DNAH5: variants seen among roughly 807,000 people sequenced by gnomAD.
DNAH5 encodes the protein axonemal beta dynein heavy chain 5.
A neutral mutation model predicts 518.2 loss-of-function variants in DNAH5; 372 were observed. The ratio of observed to expected loss-of-function variants is 0.72; its 90% CI spans 0.66 to 0.78. DNAH5 has a LOEUF of 0.78. DNAH5 is among the 30% of genes least tolerant of loss of function. The pLI is 0.00. For missense variants in DNAH5, 5,523 were observed against 5,687.0 expected (o/e 0.97, Z 0.93); for synonymous variants, 2,039 against 2,025.9 (o/e 1.01, Z -0.17).
Position 13,813,078 on chromosome 5 carries a change from A to G in DNAH5, c.7231-1255T>C, listed in dbSNP as rs1422291302. Among the ~76,000 whole-genome samples the G allele has an allele frequency of 2.0e-5, 3 of 152,264 alleles. No individual in the cohort carries two copies. In the East Asian group the frequency reaches 5.8e-4, roughly 29 times the overall value. On this transcript the variant is annotated intron_variant, in intron 43 of 78. Transcript: ENST00000265104. ...AACTTTTCAATTACTCTGCCCTCTA[A>G]TAACTCTCAGAGCTGGCCTTCCTGT... is the stretch of plus-strand genomic sequence containing the variant.
chr5:13,834,281 C>A (rs1764076265), intron 35 of DNAH5, among the ~76,000 whole-genome samples: 1 of 152,014 alleles, frequency 6.6e-6, no homozygotes, highest in African/African-American at 2.4e-5. Flanking sequence ...AATCAAATTG[C>A]AGAAAAGACT....
At chr5:13,877,074 T>C (rs1041074458) in intron 21 of DNAH5, among the ~76,000 whole-genome samples, 4 of 152,188 alleles carry the variant, frequency 2.6e-5, no homozygotes, top group African/African-American at 9.7e-5. Context: ...TTTTGTGGTG[T>C]TTTGACTTGC....
Position 13,710,860 on chromosome 5 carries a change from T to A in DNAH5, c.13126-2525A>T, listed in dbSNP as rs558738080. On this transcript the variant is annotated intron_variant, in intron 75 of 78. Coordinates refer to ENST00000265104, the MANE Select transcript of DNAH5 (RefSeq NM_001369.3). ...AAGAGACCAATAACAGGCAGTGAGA[T>A]TGAAATGGTAATTTAAAAATTACCA... 4.4e-4 allele frequency among the ~76,000 whole-genome samples: 67 copies of A among 152,214 alleles called. No homozygotes were observed. In the Middle Eastern group the frequency reaches 0.01, roughly 23 times the overall value.
intron 26 of DNAH5, 120 bp from the exon 27 acceptor site, chr5:13,866,026 T>C (rs2151911244): frequency 1.1e-6 from 1 of 883,828 alleles, no homozygotes; most frequent in Non-Finnish European, 1.8e-6. Flanking sequence ...CACATGTAAA[T>C]AGGAATACTA....
intron 15 of DNAH5, chr5:13,898,627 G>A (rs1465788431): frequency 2.5e-6 from 1 of 398,434 alleles, no homozygotes; most frequent in African/African-American, 2.1e-5. Context: ...CCACAGTTTT[G>A]TCATCTACGA....
In DNAH5 at chr5:13,734,691, C is replaced by T. The variant is rs375785681; in HGVS notation, c.11761+440G>A. Among the ~76,000 whole-genome samples, 39 of 152,190 alleles carry T rather than the reference C, an allele frequency of 2.6e-4. No homozygotes were observed. In the East Asian group the frequency reaches 5.0e-3, roughly 20 times the overall value. ...CTCTTTCAGGTCTTTGCCCACCTAC[C>T]GATCTCTTAGGAATGCCACCCCATT... On this transcript the variant is annotated intron_variant, in intron 68 of 78. Transcript: ENST00000265104.
chr5:13,900,862 C>T (rs1774511211), intron 14 of DNAH5: 2 of 320,932 alleles, frequency 6.2e-6, no homozygotes, highest in Non-Finnish European at 1.2e-5. Context: ...GTAGGATATG[C>T]TATGATTAAC....
At chr5:13,861,952 CAAAAAAAAAAAA>C (rs59674964) in intron 29 of DNAH5, among the ~76,000 whole-genome samples, 1 of 49,514 alleles carries the variant, frequency 2.0e-5, no homozygotes, top group Non-Finnish European at 3.3e-5. Context: ...GATTCCATCT[CAAAAAAAAAAAA>C]AAAAAAAAAA....
chr5:14,004,254 A>G (rs1784567124), intron 1 of DNAH5, among the ~76,000 whole-genome samples: 1 of 152,138 alleles, frequency 6.6e-6, no homozygotes, highest in Non-Finnish European at 1.5e-5. Context: ...AGAGAGGAGA[A>G]CCCTGTGAAA....
At chr5:13,999,167 C>T (rs771309757) in intron 1 of DNAH5, among the ~76,000 whole-genome samples, 5 of 152,216 alleles carry the variant, frequency 3.3e-5, no homozygotes, top group African/African-American at 7.2e-5. Flanking sequence ...CCACGATGAC[C>T]GGCCTGCCAT....
intron 78 of DNAH5, among the ~76,000 whole-genome samples, chr5:13,697,467 C>A (rs1165451332): frequency 6.6e-6 from 1 of 152,214 alleles, no homozygotes; most frequent in Non-Finnish European, 1.5e-5. Context: ...TGGTCCCCTC[C>A]CAAGGTAATC....
In DNAH5 at chr5:13,890,914, G is replaced by T. The variant is rs1773130344; in HGVS notation, c.2577+62C>A. 7 of 1,591,916 alleles carry T rather than the reference G, an allele frequency of 4.4e-6. 1 individual carries two copies. The Admixed American group carries it at 1.0e-4, about 23-fold the overall frequency. On this transcript the variant is annotated intron_variant, in intron 17 of 78. Coordinates refer to ENST00000265104, the MANE Select transcript of DNAH5 (RefSeq NM_001369.3). ...ATCTAACTTATAACTTCAAAAAAGT[G>T]ACCTTTATAGGAAAATGAATCACCA...
chr5:13,859,744 A>G, intron 29 of DNAH5, 139 bp from the exon 30 acceptor site: 1 of 785,144 alleles, frequency 1.3e-6, no homozygotes, highest in Non-Finnish European at 2.1e-6. Flanking sequence ...AAAGTGATGC[A>G]ACCAAGTGAT....
chr5:13,718,798 C>A (rs774744888), intron 72 of DNAH5, 84 bp downstream of exon 72: 8 of 1,152,250 alleles, frequency 6.9e-6, no homozygotes, highest in Non-Finnish European at 1.0e-5. Flanking sequence ...ATAACTGTAT[C>A]CTAGCTAATC....
chr5:13,970,977 AT>A (rs949512000), intron 1 of DNAH5, among the ~76,000 whole-genome samples: 2 of 150,802 alleles, frequency 1.3e-5, no homozygotes, highest in Admixed American at 6.6e-5. Context: ...GGCTTTGTTC[AT>A]TTTTTTTCTT....
chr5:13,995,848 A>G (rs1783897327), intron 1 of DNAH5, among the ~76,000 whole-genome samples: 1 of 152,188 alleles, frequency 6.6e-6, no homozygotes, highest in Non-Finnish European at 1.5e-5. Flanking sequence ...AGTTGACTGG[A>G]ACTTGACTTT....
At chr5:13,765,888 CT>C (rs1561203135) in intron 59 of DNAH5, 87 bp downstream of exon 59, 9 of 1,338,684 alleles carry the variant, frequency 6.7e-6, no homozygotes, top group Non-Finnish European at 9.7e-6. Flanking sequence ...AGAGTAAGTT[CT>C]TTTTTTAGAA....
chr5:14,008,646 AAAAC>A (rs1361864856), intron 1 of DNAH5, among the ~76,000 whole-genome samples: 2 of 152,124 alleles, frequency 1.3e-5, no homozygotes, highest in African/African-American at 4.8e-5. Context: ...AAAAAAAAGA[AAAAC>A]AAAAACAAAA....
chr5:13,700,122 G>A (rs1228670506), intron 78 of DNAH5, among the ~76,000 whole-genome samples: 1 of 152,200 alleles, frequency 6.6e-6, no homozygotes, highest in Non-Finnish European at 1.5e-5. Flanking sequence ...AAATGCCTCT[G>A]AATTCAATCT....
Sources: allele counts gnomAD v4.1 joint callset (sites outside exome capture counted in the v4.1 genomes callset), GRCh38; gene constraint gnomAD v4.1.1; transcripts MANE v1.5; gene names NCBI Gene and HGNC (gene_info 2026-07-23, HGNC 2026-07-21).